Variants in GLIS3 observed in about 807,000 individuals in gnomAD.
The protein encoded by GLIS3 is GLIS family zinc finger 3.
GLIS3 carries 53 observed loss-of-function variants against 78.6 expected under a neutral mutation model. That is an observed-to-expected ratio of 0.67 (90% CI 0.54 to 0.85). GLIS3 has a LOEUF of 0.85. GLIS3 is among the 40% of genes least tolerant of loss of function. GLIS3 has a pLI of 0.00. For synonymous variants in GLIS3, 684 were observed against 509.9 expected (o/e 1.34, Z -4.60); for missense variants, 1,703 against 1,231.1 (o/e 1.38, Z -5.74).
Position 3,879,603 on chromosome 9 carries a change from C to A in GLIS3, c.2129-8G>T, listed in dbSNP as rs1248031602. 6.2e-7 allele frequency: 1 copy of A among 1,613,840 alleles called. No individual in the cohort carries two copies. The highest frequency in any genetic ancestry group is 8.5e-7 in the Non-Finnish European group (1 of 1,179,880). ...TGCTGGAGAAAATGGGAGCTGAAAT[C>A]AAGGGAGAACAAACATGAGACCGTG... On this transcript the variant is annotated splice_polypyrimidine_tract_variant and splice_region_variant and intron_variant, in intron 7 of 10. Transcript: ENST00000381971.
At chr9:3,971,716 A>T (rs981761903) in intron 4 of GLIS3, among the ~76,000 whole-genome samples, 1 of 152,180 alleles carries the variant, frequency 6.6e-6, no homozygotes, top group Non-Finnish European at 1.5e-5. Flanking sequence ...TTTACACTTA[A>T]GCCTCTAATA....
At chr9:4,466,207 GA>G in the GLIS3 span, among the ~76,000 whole-genome samples, 5 of 152,186 alleles carry the variant, frequency 3.3e-5, no homozygotes, top group African/African-American at 1.2e-4. Context: ...CAACTTAGAT[GA>G]AATAGACAAT....
At chr9:4,430,195 A>T in the GLIS3 span, among the ~76,000 whole-genome samples, 12 of 152,344 alleles carry the variant, frequency 7.9e-5, no homozygotes, top group South Asian at 1.0e-3. Context: ...AACCACACCA[A>T]GCTAGAAGGT....
At chr9:4,071,497 T>C (rs1372842409) in intron 4 of GLIS3, 2 of 152,242 alleles carry the variant, frequency 1.3e-5, no homozygotes, top group Non-Finnish European at 2.9e-5. Context: ...AAACTATTTC[T>C]AATTCACCCA....
intron 2 of GLIS3, among the ~76,000 whole-genome samples, chr9:4,324,183 ACTTTAT>A (rs990919460): frequency 9.9e-5 from 15 of 152,242 alleles, no homozygotes; most frequent in Non-Finnish European, 1.3e-4. Flanking sequence ...ATTTCCCATC[ACTTTAT>A]CTTTATTTAT....
the GLIS3 span, among the ~76,000 whole-genome samples, chr9:4,410,125 C>T: frequency 6.6e-6 from 1 of 151,678 alleles, no homozygotes; most frequent in Non-Finnish European, 1.5e-5. Flanking sequence ...AATGCACCAC[C>T]ATGCCCGGCT....
At chr9:3,959,008 A>G (rs1368943029) in intron 4 of GLIS3, among the ~76,000 whole-genome samples, 3 of 152,194 alleles carry the variant, frequency 2.0e-5, no homozygotes, top group Non-Finnish European at 4.4e-5. Context: ...TTTACTTGCC[A>G]TATTGCTTTG....
chr9:4,048,169 A>G (rs982162150), intron 4 of GLIS3, among the ~76,000 whole-genome samples: 1 of 152,228 alleles, frequency 6.6e-6, no homozygotes, highest in Non-Finnish European at 1.5e-5. Context: ...AGTGAGGGGT[A>G]ATGACCTTTT....
At chr9:4,221,862 A>C (rs897611319) in intron 2 of GLIS3, among the ~76,000 whole-genome samples, 8 of 152,234 alleles carry the variant, frequency 5.3e-5, no homozygotes, top group African/African-American at 1.9e-4. Context: ...CTTCTATGCA[A>C]AATAGTTATT....
rs1250282528 is a variant in GLIS3 at position 4,276,292 on chromosome 9, T to C, written c.388+9746A>G. On this transcript the variant is annotated intron_variant, in intron 2 of 10. Coordinates refer to ENST00000381971, the MANE Select transcript of GLIS3 (RefSeq NM_001042413.2). ...CTGAAAGAAAAGAAAAAAATGAGAATAGAGGAGAAGAGAAGAAAATGGAGG... is the reference window on the plus strand; with the variant it reads ...CTGAAAGAAAAGAAAAAAATGAGAACAGAGGAGAAGAGAAGAAAATGGAGG... 3.6e-5 allele frequency among the ~76,000 whole-genome samples: 4 copies of C among 109,830 alleles called. No homozygotes were observed. In the East Asian group the frequency reaches 7.7e-4, roughly 21 times the overall value. The allele number at this position is 109,830 out of a possible 152,430, so 72.1% of individuals were successfully genotyped here.
chr9:4,397,089 G>T, the GLIS3 span, among the ~76,000 whole-genome samples: 4 of 138,294 alleles, frequency 2.9e-5, no homozygotes, highest in African/African-American at 1.2e-4. Context: ...GCAGTGGCGC[G>T]ATCTTGGCTC....
At chr9:4,374,912 G>A in the GLIS3 span, among the ~76,000 whole-genome samples, 39 of 152,214 alleles carry the variant, frequency 2.6e-4, no homozygotes, top group African/African-American at 8.9e-4. Flanking sequence ...AACTCATCTC[G>A]AGCATTTTTC....
chr9:4,127,209 G>A (rs1391529299), intron 2 of GLIS3, among the ~76,000 whole-genome samples: 2 of 152,144 alleles, frequency 1.3e-5, no homozygotes, highest in African/African-American at 4.8e-5. Context: ...TAAAATCCAA[G>A]TGGTAATTGA....
At chr9:4,332,180 A>G (rs1487914032) in intron 2 of GLIS3, among the ~76,000 whole-genome samples, 2 of 152,214 alleles carry the variant, frequency 1.3e-5, no homozygotes, top group Admixed American at 1.3e-4. Context: ...TGGAAATCCC[A>G]AAATAGAAGA....
At chr9:4,469,481 C>T in the GLIS3 span, among the ~76,000 whole-genome samples, 3 of 152,204 alleles carry the variant, frequency 2.0e-5, no homozygotes, top group Admixed American at 2.0e-4. Context: ...GATTGAGAAA[C>T]TCACTCAAAA....
chr9:3,958,537 G>C lies in GLIS3; in HGVS notation c.1711-21348C>G, dbSNP rs139568396. On this transcript the variant is annotated intron_variant, in intron 4 of 10. Transcript: ENST00000381971. The stretch of plus-strand genomic sequence containing the variant: ...TCTGCTATTCCAACAGTCTTAAAAG[G>C]CTTCCATTCTTAAGTGCAGGGTCCT... Among the ~76,000 whole-genome samples, 571 of 152,194 alleles carry C rather than the reference G, an allele frequency of 3.8e-3. 13 individuals carry two copies. The highest frequency in any genetic ancestry group is 0.036 in the Admixed American group (545 of 15,266).
Position 3,942,299 on chromosome 9 carries a change from C to T in GLIS3, c.1711-5110G>A, listed in dbSNP as rs933156782. Among the ~76,000 whole-genome samples the T allele has an allele frequency of 3.3e-5, 5 of 152,126 alleles. No homozygotes were observed. In the East Asian group the frequency reaches 5.8e-4, roughly 18 times the overall value. ...CTGGGAGGTACACACTTTCACAATT[C>T]CATCAATTAAGACCAATTAATCCCA... On this transcript the variant is annotated intron_variant, in intron 4 of 10. Coordinates refer to ENST00000381971, the MANE Select transcript of GLIS3 (RefSeq NM_001042413.2).
At chr9:4,236,204 A>AAAAAAAAAAAAAAAAAAAAAAAAAAAAG (rs536737911) in intron 2 of GLIS3, among the ~76,000 whole-genome samples, 16 of 86,336 alleles carry the variant, frequency 1.9e-4, no homozygotes, top group Non-Finnish European at 3.0e-4. Context: ...AAAAAAAAAA[A>AAAAAAAAAAAAAAAAAAAAAAAAAAAAG]AAAGAAAGAA....
intron 4 of GLIS3, among the ~76,000 whole-genome samples, chr9:3,984,981 C>G (rs1367087318): frequency 6.6e-6 from 1 of 152,028 alleles, no homozygotes; most frequent in Non-Finnish European, 1.5e-5. Context: ...ATTGTGAGGC[C>G]TCCCCAGCCA....
Sources: allele counts gnomAD v4.1 joint callset (sites outside exome capture counted in the v4.1 genomes callset), GRCh38; gene constraint gnomAD v4.1.1; transcripts MANE v1.5; gene names NCBI Gene and HGNC (gene_info 2026-07-23, HGNC 2026-07-21).